Variants in NFS1 observed in about 807,000 individuals in gnomAD.
NFS1 encodes NFS1 cysteine desulfurase, also known as cysteine desulfurase.
In NFS1, 26 loss-of-function variants were observed where a neutral mutation model predicts 57.3. The ratio of observed to expected loss-of-function variants is 0.45; its 90% confidence interval spans 0.33 to 0.63. NFS1 has a LOEUF of 0.63. Ranked by LOEUF, NFS1 falls within the 20% of genes least tolerant of loss-of-function variation. NFS1 has a pLI of 0.02. For synonymous variants in NFS1, 209 were observed against 216.3 expected (o/e 0.97, Z 0.30); for missense variants, 505 against 605.8 (o/e 0.83, Z 1.75).
chr20:35,677,583 C>T (rs1458642127), intron 7 of NFS1, among the ~76,000 whole-genome samples: 1 of 152,130 alleles, frequency 6.6e-6, no homozygotes, highest in Non-Finnish European at 1.5e-5. Flanking sequence ...TGTGACTAAA[C>T]AAGCCGAATT....
rs200900652 is a variant in NFS1 at position 35,669,711 on chromosome 20, G to A, written c.1311-26C>T. 82 of 1,608,134 alleles carry A rather than the reference G, an allele frequency of 5.1e-5. No homozygotes were observed. In the East Asian group the frequency reaches 1.2e-3, roughly 24 times the overall value. Reference sequence around the variant, plus strand: ...CTGCCAAAGAGAAGAGGCATTAAATGAGTGAGGGCTTAGATAGGAAGTCGA... The same window carrying A: ...CTGCCAAAGAGAAGAGGCATTAAATAAGTGAGGGCTTAGATAGGAAGTCGA... On this transcript the variant is annotated intron_variant, in intron 12 of 12. Coordinates refer to ENST00000374092, the MANE Select transcript of NFS1 (RefSeq NM_021100.5).
intron 1 of NFS1, chr20:35,698,888 G>A (rs1177322702): frequency 7.5e-7 from 1 of 1,333,130 alleles, no homozygotes; most frequent in African/African-American, 1.5e-5. Flanking sequence ...AGTAGGTGCA[G>A]TCCCTTCTGA....
intron 11 of NFS1, 75 bp from the exon 12 acceptor site, chr20:35,672,919 C>T: frequency 1.2e-6 from 1 of 823,776 alleles, no homozygotes; most frequent in Non-Finnish European, 2.0e-6. Context: ...CAAATACTCA[C>T]TAAGGATCTA....
chr20:35,670,225 C>A (rs1681538029), intron 12 of NFS1, among the ~76,000 whole-genome samples: 1 of 152,202 alleles, frequency 6.6e-6, no homozygotes, highest in Admixed American at 6.5e-5. Flanking sequence ...CCAGTTCTTG[C>A]CCGTTTCATC....
chr20:35,692,418 T>C (rs1800026340), intron 4 of NFS1: 1 of 162,224 alleles, frequency 6.2e-6, no homozygotes, highest in Non-Finnish European at 1.2e-5. Flanking sequence ...AAAAGGGGGC[T>C]GGATGTGGTG....
At chr20:35,698,114 G>A (rs1363985926) in intron 2 of NFS1, among the ~76,000 whole-genome samples, 1 of 152,196 alleles carries the variant, frequency 6.6e-6, no homozygotes, top group African/African-American at 2.4e-5. Flanking sequence ...AAGGGGCTGG[G>A]ACAGGACAGG....
At chr20:35,670,007 A>G (rs183583547) in intron 12 of NFS1, among the ~76,000 whole-genome samples, 1 of 152,356 alleles carries the variant, frequency 6.6e-6, no homozygotes, top group Non-Finnish European at 1.5e-5. Context: ...GTAAGAGGCT[A>G]TGGCCATGGT....
At position 35,675,192 on chromosome 20, in the gene NFS1, G is replaced by A; in HGVS notation, c.801C>T (p.Ala267=). ...CACGGGGCCGGCGACGGATGTAGAT[G>A]GCACCAACCCCTGGGAAACAAAATT... ...HKIYGPKGVG[A]IYIRRRPRVR... is the part of the protein sequence containing the mutation. Residue 267 remains alanine (A), a synonymous_variant, in exon 8 of 13, where the codon GCC becomes GCT. Coordinates refer to ENST00000374092, the MANE Select transcript of NFS1 (RefSeq NM_021100.5). 6.2e-7 allele frequency: 1 copy of A among 1,606,732 alleles called. No individual in the cohort carries two copies. Among genetic ancestry groups the A allele is most frequent in the South Asian group, 1.1e-5 (1 of 90,292 alleles).
At position 35,692,527 on chromosome 20, in the gene NFS1, T is replaced by C. The variant is rs147185841; in HGVS notation, c.409-1962A>G. On this transcript the variant is annotated intron_variant, in intron 4 of 12. Transcript: ENST00000374092. ...CCAGCCTGAGCAACATCATCTATAC[T>C]AAAAAAAAAAAAAAAAAAAAAAAAA... Among the ~76,000 whole-genome samples, 389 of 42,730 alleles carry C rather than the reference T, an allele frequency of 9.1e-3. 6 individuals carry two copies. The highest frequency in any genetic ancestry group is 0.028 in the African/African-American group (372 of 13,172). The allele number at this position is 42,730 out of a possible 152,430, so 28.0% of individuals were successfully genotyped here.
In NFS1 at chr20:35,674,596, T is replaced by G. The variant is rs1304173469; in HGVS notation, c.970A>C (p.Lys324Gln). The change falls in exon 9 of 13, where the codon AAG (lysine) becomes CAG (glutamine). Residue 324 changes from lysine (K) to glutamine (Q), a missense_variant. Coordinates refer to ENST00000374092, the MANE Select transcript of NFS1 (RefSeq NM_021100.5). ...TTCTGTATCAGCCGCTCTGACAACTTTGAGATTCGCTTGTGGTCATACTAA... is the reference window on the plus strand; with the variant it reads ...TTCTGTATCAGCCGCTCTGACAACTGTGAGATTCGCTTGTGGTCATACTAA... The part of the protein sequence containing the change: ...EMEYDHKRIS[K>Q]LSERLIQNIM... 6.2e-7 allele frequency: 1 copy of G among 1,613,928 alleles called. No homozygotes were observed. The highest frequency in any genetic ancestry group is 8.5e-7 in the Non-Finnish European group (1 of 1,179,980).
chr20:35,679,021 C>A (rs1428903951), intron 7 of NFS1, among the ~76,000 whole-genome samples: 1 of 152,086 alleles, frequency 6.6e-6, no homozygotes, highest in Non-Finnish European at 1.5e-5. Flanking sequence ...TGAAGAATGC[C>A]ACATTATCTA....
Position 35,675,152 on chromosome 20 carries a change from G to C in NFS1, c.841C>G (p.Leu281Val). ...CGCTCCTGCCCCCCTCCACTCTGCA[G>C]GGCCTCCACACGCACACGGGGCCGG... ...RRRPRVRVEALQSGGGQERGM... is the reference protein window; with the variant it reads ...RRRPRVRVEAVQSGGGQERGM... The change falls in exon 8 of 13, where the codon CTG becomes GTG. Residue 281 changes from leucine to valine, a missense_variant. Leu to Val is a conservative substitution (Grantham distance 32, BLOSUM62 1). Coordinates refer to ENST00000374092, the MANE Select transcript of NFS1 (RefSeq NM_021100.5). 1 of 1,613,892 alleles carries C rather than the reference G, an allele frequency of 6.2e-7. No homozygotes were observed. Among genetic ancestry groups the C allele is most frequent in the Non-Finnish European group, 8.5e-7 (1 of 1,180,002 alleles).
intron 7 of NFS1, 32 bp from the exon 8 acceptor site, chr20:35,675,234 A>G: frequency 6.4e-7 from 1 of 1,559,280 alleles, no homozygotes; most frequent in South Asian, 1.2e-5. Flanking sequence ...AAAAAACAGA[A>G]AGAGAGAAAA....
chr20:35,694,845 T>C (rs1446469498), intron 4 of NFS1: 1 of 153,328 alleles, frequency 6.5e-6, no homozygotes, highest in Non-Finnish European at 1.4e-5. Flanking sequence ...GTCAAGATCG[T>C]GCCACTGCAC....
chr20:35,674,705 T>C (rs1382169543), intron 8 of NFS1, 88 bp from the exon 9 acceptor site: 3 of 1,019,952 alleles, frequency 2.9e-6, no homozygotes, highest in Non-Finnish European at 4.6e-6. Context: ...TAACTGGAAG[T>C]GACTATGTAT....
chr20:35,676,415 G>A (rs965066076), intron 7 of NFS1, among the ~76,000 whole-genome samples: 5 of 151,362 alleles, frequency 3.3e-5, no homozygotes, highest in African/African-American at 4.9e-5. Flanking sequence ...GTGAAACCCC[G>A]TAATTATTAA....
intron 5 of NFS1, among the ~76,000 whole-genome samples, chr20:35,684,686 GT>G (rs1321749067): frequency 6.6e-6 from 1 of 151,000 alleles, no homozygotes; most frequent in African/African-American, 2.5e-5. Flanking sequence ...GGTGGCAGAG[GT>G]TGCAATGAGC....
rs370966982 is a variant in NFS1 at position 35,672,503 on chromosome 20, G to A, written c.1310+252C>T. Among the ~76,000 whole-genome samples, 23 of 152,176 alleles carry A rather than the reference G, an allele frequency of 1.5e-4. No individual in the cohort carries two copies. The East Asian group carries it at 2.9e-3, about 19-fold the overall frequency. ...TGACCTCAGGTGATCTGTCCGCCTC[G>A]GCTTCCCAAAGTGCTAGGATTACAG... On this transcript the variant is annotated intron_variant, in intron 12 of 12. Coordinates refer to ENST00000374092, the MANE Select transcript of NFS1 (RefSeq NM_021100.5).
rs1470353500 is a variant in NFS1, at chr20:35,697,781, G to GCATC, written c.223_226dup (p.Ala76GlyfsTer26). 1 of 1,612,826 alleles carries GCATC rather than the reference G, an allele frequency of 6.2e-7. No individual in the cohort carries two copies. Among genetic ancestry groups the GCATC allele is most frequent in the Non-Finnish European group, 8.5e-7 (1 of 1,179,338 alleles). On this transcript the variant is annotated frameshift_variant, in exon 3 of 13. Transcript: ENST00000374092. LOFTEE classifies it high-confidence loss of function. ...GTAGTTGATTAGGTAAGGGAGCATG[G>GCATC]CATCAAGCACCCGGGGGTCCTGAAC...
Sources: allele counts gnomAD v4.1 joint callset (sites outside exome capture counted in the v4.1 genomes callset), GRCh38; gene constraint gnomAD v4.1.1; transcripts MANE v1.5; gene names NCBI Gene and HGNC (gene_info 2026-07-23, HGNC 2026-07-21).